Variants in RARB observed in about 807,000 individuals in gnomAD.
The protein encoded by RARB is retinoic acid receptor beta.
A neutral mutation model predicts 51.9 loss-of-function variants in RARB; 17 were observed. The ratio of observed to expected loss-of-function variants is 0.33; its 90% CI spans 0.22 to 0.49. The LOEUF is 0.49. RARB is among the 20% of genes least tolerant of loss of function. RARB has a pLI of 0.99. For missense variants in RARB, 369 were observed against 550.8 expected (o/e 0.67, Z 3.30); for synonymous variants, 215 against 195.4 (o/e 1.10, Z -0.84).
intron 1 of RARB, among the ~76,000 whole-genome samples, chr3:25,455,066 C>G (rs535091191): frequency 7.2e-5 from 11 of 152,232 alleles, no homozygotes; most frequent in Non-Finnish European, 1.6e-4. Context: ...CAAACAACCT[C>G]TGAGTTTGAA....
intron 1 of RARB, among the ~76,000 whole-genome samples, chr3:24,838,190 T>G (rs916676502): frequency 1.3e-5 from 2 of 152,236 alleles, no homozygotes; most frequent in African/African-American, 4.8e-5. Flanking sequence ...TGAGTCCTTG[T>G]ACTTCCAATT....
chr3:25,184,588 A>G (rs1700933548), intron 5 of RARB, among the ~76,000 whole-genome samples: 1 of 152,090 alleles, frequency 6.6e-6, no homozygotes, highest in African/African-American at 2.4e-5. Context: ...TTCCAGACCC[A>G]GTCTGTGTTC....
chr3:25,207,234 A>G (rs1210079540), intron 5 of RARB, among the ~76,000 whole-genome samples: 1 of 152,130 alleles, frequency 6.6e-6, no homozygotes, highest in African/African-American at 2.4e-5. Flanking sequence ...TCTACTAAGC[A>G]TGTTTTCATT....
At chr3:25,076,712 T>G (rs535846517) in intron 3 of RARB, among the ~76,000 whole-genome samples, 3 of 152,214 alleles carry the variant, frequency 2.0e-5, no homozygotes, top group East Asian at 1.9e-4. Flanking sequence ...TTTGTTTTGT[T>G]AAAAAGCTTT....
rs71057699 is a variant in RARB at position 25,130,937 on chromosome 3, A to ATATTATCAATATTTATTATTGATAATAT, written c.-327-1221_-327-1220insTATCAATATTTATTATTGATAATATTAT. ...ATATTATCAATATTTATCATTGATA[A>ATATTATCAATATTTATTATTGATAATAT]TATCAATATTTATTATTGATAATAT... On this transcript the variant is annotated intron_variant, in intron 3 of 11. Transcript: ENST00000383772. Among the ~76,000 whole-genome samples, 103 of 64,140 alleles carry ATATTATCAATATTTATTATTGATAATAT rather than the reference A, an allele frequency of 1.6e-3. 1 individual carries two copies. The highest frequency in any genetic ancestry group is 8.1e-3 in the Middle Eastern group (1 of 124). 42.1% of individuals were successfully genotyped at this position (64,140 alleles called of 152,430 possible).
At chr3:25,254,757 G>A (rs545108081) in intron 5 of RARB, among the ~76,000 whole-genome samples, 2 of 152,094 alleles carry the variant, frequency 1.3e-5, no homozygotes, top group Non-Finnish European at 2.9e-5. Flanking sequence ...GGAGATAAAA[G>A]AAAATGAAAT....
chr3:25,098,554 A>G (rs564873237), intron 3 of RARB, among the ~76,000 whole-genome samples: 16 of 152,326 alleles, frequency 1.1e-4, no homozygotes, highest in African/African-American at 3.8e-4. Flanking sequence ...AGATGAACCT[A>G]GATCAGGATT....
rs550450888 is a variant in RARB at position 25,556,548 on chromosome 3, T to C, written c.449-13210T>C. ...GTTTTAAGAATTATTGTATGAGCCATATATAGCTTTGGAATTAGATAGAAA... is the reference window on the plus strand; with the variant it reads ...GTTTTAAGAATTATTGTATGAGCCACATATAGCTTTGGAATTAGATAGAAA... On this transcript the variant is annotated intron_variant, in intron 3 of 7. Transcript: ENST00000330688. Among the ~76,000 whole-genome samples the C allele has an allele frequency of 2.0e-5, 3 of 152,314 alleles. No homozygotes were observed. In the South Asian group the frequency reaches 6.2e-4, roughly 32 times the overall value.
In RARB at chr3:25,207,845, G is replaced by A. The variant is rs192095172; in HGVS notation, c.178+33270G>A. 5.6e-3 allele frequency among the ~76,000 whole-genome samples: 859 copies of A among 152,296 alleles called. 4 individuals are homozygous for A. Among genetic ancestry groups the A allele is most frequent in the South Asian group, 0.015 (74 of 4,828 alleles). ...GCTACAAAGGAACAACTGAAACTAG[G>A]TAATTTATAGAGAAAAGAGATTTAA... On this transcript the variant is annotated intron_variant, in intron 5 of 11. Transcript: ENST00000383772.
At chr3:25,249,682 T>C (rs1428497605) in intron 5 of RARB, among the ~76,000 whole-genome samples, 2 of 77,972 alleles carry the variant, frequency 2.6e-5, no homozygotes, top group Non-Finnish European at 4.8e-5. Flanking sequence ...CTCTGTATGA[T>C]TTTTTTTTTT....
chr3:25,032,494 G>A (rs1244097959), intron 2 of RARB, among the ~76,000 whole-genome samples: 4 of 152,266 alleles, frequency 2.6e-5, no homozygotes, highest in Non-Finnish European at 4.4e-5. Context: ...CACTGATTAC[G>A]TGGATCTGAA....
intron 5 of RARB, among the ~76,000 whole-genome samples, chr3:25,318,444 A>T (rs1384388244): frequency 6.6e-6 from 1 of 152,198 alleles, no homozygotes; most frequent in Non-Finnish European, 1.5e-5. Flanking sequence ...GAACATAAGG[A>T]TCATTGTACT....
chr3:25,485,736 A>G (rs1480639754), intron 2 of RARB, among the ~76,000 whole-genome samples: 1 of 151,960 alleles, frequency 6.6e-6, no homozygotes, highest in Non-Finnish European at 1.5e-5. Flanking sequence ...TTTCCCTTTT[A>G]TTGGAGAAAG....
chr3:24,972,966 G>A (rs1029519509), intron 2 of RARB, among the ~76,000 whole-genome samples: 31 of 151,990 alleles, frequency 2.0e-4, no homozygotes, highest in African/African-American at 6.0e-4. Flanking sequence ...TATGCAGAAC[G>A]TTTTTAGTTT....
chr3:25,185,531 T>G (rs1241694247), intron 5 of RARB, among the ~76,000 whole-genome samples: 3 of 152,108 alleles, frequency 2.0e-5, no homozygotes, highest in Non-Finnish European at 2.9e-5. Flanking sequence ...AGGAGAAAAA[T>G]TAACCTTGAC....
chr3:24,910,903 A>AG (rs1404312522), intron 2 of RARB, among the ~76,000 whole-genome samples: 1 of 152,212 alleles, frequency 6.6e-6, no homozygotes, highest in Non-Finnish European at 1.5e-5. Context: ...TGTGCCCAAA[A>AG]GGAAAAGGAA....
At chr3:25,259,163 A>G (rs1702938132) in intron 5 of RARB, 1 of 804,602 alleles carries the variant, frequency 1.2e-6, no homozygotes, top group Non-Finnish European at 1.5e-6. Flanking sequence ...GTAAATAGAT[A>G]TGGTAAAGTA....
chr3:25,531,376 ATAGATAGATAGG>A lies in RARB; in HGVS notation c.448+30065_448+30076del, dbSNP rs1300847124. ...GATCGATATACAGATAGATAGGTAG[ATAGATAGATAGG>A]TAGATAGATAGATAGATAGATAGAT... On this transcript the variant is annotated intron_variant, in intron 3 of 7. Transcript: ENST00000330688. Among the ~76,000 whole-genome samples the A allele has an allele frequency of 4.4e-5, 5 of 113,146 alleles. No homozygotes were observed. In the East Asian group the frequency reaches 7.3e-4, roughly 17 times the overall value. 74.2% of individuals were successfully genotyped at this position (113,146 alleles called of 152,430 possible).
At chr3:25,465,416 T>C (rs1695382461) in intron 2 of RARB, among the ~76,000 whole-genome samples, 1 of 152,220 alleles carries the variant, frequency 6.6e-6, no homozygotes, top group Non-Finnish European at 1.5e-5. Flanking sequence ...TGAGAACCTC[T>C]GCTCTAAAGT....
Sources: gnomAD v4.1 joint callset for allele counts (sites outside exome capture counted in the v4.1 genomes callset) on GRCh38, gnomAD v4.1.1 for gene constraint, MANE v1.5 for transcripts, NCBI Gene and HGNC (gene_info 2026-07-23, HGNC 2026-07-21) for gene names.